BSPRY: variants seen among roughly 807,000 people sequenced by gnomAD.
BSPRY encodes B-box and SPRY domain containing.
A neutral mutation model predicts 38.0 loss-of-function variants in BSPRY; 33 were observed. That is an observed-to-expected ratio of 0.87 (90% CI 0.66 to 1.16). The LOEUF is 1.16. Ranked by LOEUF, BSPRY falls within the 50% of genes most tolerant of loss-of-function variation. The pLI, the probability that BSPRY is intolerant of heterozygous loss-of-function variation, is 0.00. For missense variants in BSPRY, 523 were observed against 533.2 expected, an observed-to-expected ratio of 0.98 and a Z score of 0.19; for synonymous variants, 224 against 228.5, an observed-to-expected ratio of 0.98 and a Z score of 0.18.
At chr9:113,361,452 G>A (rs1043536632) in intron 3 of BSPRY, among the ~76,000 whole-genome samples, 1 of 152,218 alleles carries the variant, frequency 6.6e-6, no homozygotes. Context: ...AGATGCAGCT[G>A]TCAGCTGCTC....
At chr9:113,368,125 C>T (rs1316347232) in intron 4 of BSPRY, 134 bp from the exon 5 acceptor site, 27 of 1,129,870 alleles carry the variant, frequency 2.4e-5, no homozygotes, top group African/African-American at 3.1e-5. Flanking sequence ...TGAGCCACTG[C>T]ACCTGGCCCT....
intron 4 of BSPRY, among the ~76,000 whole-genome samples, chr9:113,365,654 G>A (rs1197433700): frequency 6.6e-6 from 1 of 151,920 alleles, no homozygotes; most frequent in Non-Finnish European, 1.5e-5. Context: ...GAGCATTAAG[G>A]GTACTCAGTG....
At chr9:113,353,241 A>G (rs1264319997) in intron 1 of BSPRY, among the ~76,000 whole-genome samples, 2 of 152,126 alleles carry the variant, frequency 1.3e-5, no homozygotes, top group Non-Finnish European at 2.9e-5. Flanking sequence ...TGCAAAAAGT[A>G]GCCAGGTGTG....
At position 113,362,774 on chromosome 9, in the gene BSPRY, C is replaced by T. The variant is rs113623696; in HGVS notation, c.557+380C>T. 4.4e-3 allele frequency among the ~76,000 whole-genome samples: 673 copies of T among 152,326 alleles called. 4 individuals are homozygous for T. The highest frequency in any genetic ancestry group is 0.015 in the African/African-American group (608 of 41,578). On this transcript the variant is annotated intron_variant, in intron 4 of 5. Transcript: ENST00000374183. ...GGTTGGACCCATCTAACACCTGCCC[C>T]GGTACTGTTGCCTCTGCCTCACTTC...
chr9:113,361,230 TCCCATTGCAAGAC>T (rs1834148535), intron 3 of BSPRY, among the ~76,000 whole-genome samples: 1 of 152,142 alleles, frequency 6.6e-6, no homozygotes, highest in African/African-American at 2.4e-5. Context: ...CCAGTCTCTC[TCCCATTGCAAGAC>T]CCCATTGCAA....
At position 113,351,160 on chromosome 9, in the gene BSPRY, T is replaced by G. The variant is rs374923368; in HGVS notation, c.201+1380T>G. Among the ~76,000 whole-genome samples the G allele has an allele frequency of 1.1e-4, 16 of 152,142 alleles. No individual in the cohort carries two copies. In the East Asian group the frequency reaches 1.5e-3, roughly 15 times the overall value. Reference sequence around the variant, plus strand: ...GACTGGATTTGAGTGGTGGAAAGAGTGAAGCCTCGGGCAGGTGGCAGGCCT... The same window carrying G: ...GACTGGATTTGAGTGGTGGAAAGAGGGAAGCCTCGGGCAGGTGGCAGGCCT... On this transcript the variant is annotated intron_variant, in intron 1 of 5. Coordinates refer to ENST00000374183, the MANE Select transcript of BSPRY (RefSeq NM_017688.3).
chr9:113,349,592 G>A lies in BSPRY; in HGVS notation c.13G>A (p.Gly5Ser). 1 of 1,177,838 alleles carries A rather than the reference G, an allele frequency of 8.5e-7. No individual in the cohort carries two copies. Among genetic ancestry groups the A allele is most frequent in the African/African-American group, 1.6e-5 (1 of 62,038 alleles). 73.0% of individuals were successfully genotyped at this position (1,177,838 alleles called of 1,614,324 possible). The change falls in exon 1 of 6, where the codon GGC becomes AGC. Residue 5 changes from glycine (G) to serine (S), a missense_variant. Gly to Ser is a moderately conservative substitution (Grantham distance 56). Transcript: ENST00000374183. MSAE[G>S]AEPGPGSGSG... is the part of the protein sequence containing the mutation. ...CGGGCGCACGGCCATGTCCGCCGAGGGCGCGGAGCCGGGGCCGGGGTCCGG... is the reference window on the plus strand; with the variant it reads ...CGGGCGCACGGCCATGTCCGCCGAGAGCGCGGAGCCGGGGCCGGGGTCCGG...
At chr9:113,353,398 A>C (rs2118904562) in intron 1 of BSPRY, among the ~76,000 whole-genome samples, 1 of 151,708 alleles carries the variant, frequency 6.6e-6, no homozygotes, top group East Asian at 1.9e-4. Context: ...TAAATACATA[A>C]ATAAATTTAA....
chr9:113,369,371 T>G (rs1402206527), intron 5 of BSPRY, among the ~76,000 whole-genome samples: 2 of 152,260 alleles, frequency 1.3e-5, no homozygotes, highest in Admixed American at 1.3e-4. Flanking sequence ...ACTATTGTTA[T>G]GAAGGCTACA....
In BSPRY at chr9:113,369,806, T is replaced by C. The variant is rs1432107823; in HGVS notation, c.873T>C (p.Asn291=). 6.2e-7 allele frequency: 1 copy of C among 1,614,228 alleles called. No homozygotes were observed. ...ATGGGCTCCATGCCTGGATGGTGAA[T>C]GTCCAGAACAGTTGTGCCTATAAGG... ...FQNGLHAWMV[N]VQNSCAYKVG... is the part of the protein sequence containing the mutation. Residue 291 remains asparagine, a synonymous_variant, in exon 6 of 6, where the codon AAT becomes AAC. Coordinates refer to ENST00000374183, the MANE Select transcript of BSPRY (RefSeq NM_017688.3).
Position 113,349,563 on chromosome 9 carries a change from GGGGC to G in BSPRY, c.-11_-8del. On this transcript the variant is annotated 5_prime_UTR_variant, in exon 1 of 6. Coordinates refer to ENST00000374183, the MANE Select transcript of BSPRY (RefSeq NM_017688.3). ...GCCACCTGCGACAGGTGGAGCGCACGGGGCGGGCGCACGGCCATGTCCGCCGAGG... is the reference window on the plus strand; with the variant it reads ...GCCACCTGCGACAGGTGGAGCGCACGGGGCGCACGGCCATGTCCGCCGAGG... 2 of 1,138,568 alleles carry G rather than the reference GGGGC, an allele frequency of 1.8e-6. No homozygotes were observed. The highest frequency in any genetic ancestry group is 2.2e-6 in the Non-Finnish European group (2 of 929,164). The allele number at this position is 1,138,568 out of a possible 1,614,324, so 70.5% of individuals were successfully genotyped here. A position where few individuals can be genotyped will look rare whatever the true frequency, so the allele number is the denominator to read the frequency against.
chr9:113,366,969 A>G (rs1834263600), intron 4 of BSPRY, among the ~76,000 whole-genome samples: 1 of 152,214 alleles, frequency 6.6e-6, no homozygotes, highest in Non-Finnish European at 1.5e-5. Flanking sequence ...CGCCATCTTC[A>G]GGATTGGAGG....
At position 113,368,350 on chromosome 9, in the gene BSPRY, C is replaced by G. The variant is rs563645134; in HGVS notation, c.649C>G (p.Leu217Val). The change falls in exon 5 of 6, where the codon CTC (leucine) becomes GTC (valine). Residue 217 changes from leucine to valine, a missense_variant. Physicochemically the swap from Leu to Val is conservative, Grantham distance 32. Coordinates refer to ENST00000374183, the MANE Select transcript of BSPRY (RefSeq NM_017688.3). ...KCTRSPLLTQ[L>V]WATAVLGSLS... ...CACTCGGAGCCCACTACTGACCCAACTCTGGGCAACGGCGGTTCTTGGGTC... is the reference window on the plus strand; with the variant it reads ...CACTCGGAGCCCACTACTGACCCAAGTCTGGGCAACGGCGGTTCTTGGGTC... 42 of 1,614,166 alleles carry G rather than the reference C, an allele frequency of 2.6e-5. No individual in the cohort carries two copies. The South Asian group carries it at 4.4e-4, about 17-fold the overall frequency.
chr9:113,358,939 G>A (rs1406804450), intron 2 of BSPRY, among the ~76,000 whole-genome samples: 1 of 152,144 alleles, frequency 6.6e-6, no homozygotes, highest in Non-Finnish European at 1.5e-5. Flanking sequence ...GAGGCAGGAG[G>A]ATCGCTTGAG....
rs1365185848 is a variant in BSPRY at position 113,360,518 on chromosome 9, T to A, written c.312T>A (p.Ser104Arg). 1.3e-6 allele frequency: 2 copies of A among 1,597,092 alleles called. No individual in the cohort carries two copies. The highest frequency in any genetic ancestry group is 2.3e-5 in the South Asian group (2 of 87,594). ...GKNQRAVSMA[S>R]AARELVIQRL... ...TTATCCCTCATTAGAGCATGGCCAG[T>A]GCAGCGAGGGAACTGGTTATCCAGC... The change falls in exon 3 of 6, where the codon AGT becomes AGA. Residue 104 changes from serine (S) to arginine (R), a missense_variant. Transcript: ENST00000374183.
intron 4 of BSPRY, among the ~76,000 whole-genome samples, chr9:113,363,994 G>C (rs888576334): frequency 1.4e-5 from 2 of 147,766 alleles, no homozygotes; most frequent in African/African-American, 4.9e-5. Flanking sequence ...TTCACAACCA[G>C]CCTGGCCAAT....
intron 4 of BSPRY, 138 bp from the exon 5 acceptor site, chr9:113,368,121 A>G (rs1406092054): frequency 1.8e-6 from 2 of 1,083,754 alleles, no homozygotes; most frequent in Non-Finnish European, 2.7e-6. Flanking sequence ...GGGGTGAGCC[A>G]CTGCACCTGG....
At position 113,369,612 on chromosome 9, in the gene BSPRY, G is replaced by A. The variant is rs1297289783; in HGVS notation, c.683-4G>A. The A allele has an allele frequency of 1.3e-6, 2 of 1,596,872 alleles. No individual in the cohort carries two copies. Among genetic ancestry groups the A allele is most frequent in the African/African-American group, 1.3e-5 (1 of 74,548 alleles). On this transcript the variant is annotated splice_region_variant and splice_polypyrimidine_tract_variant and intron_variant, in intron 5 of 5. Transcript: ENST00000374183. ...TCGGCAACTCTGAGAATTCTTTCTG[G>A]CAGGCACAGAGGACATACGGATCGA...
chr9:113,349,617 GGTCC>G lies in BSPRY; in HGVS notation c.40_43del (p.Ser14GlyfsTer15). ...GGCGCGGAGCCGGGGCCGGGGTCCG[GGTCC>G]GGGCCCGGGCCGGGGCCACTCTGCC... is the stretch of plus-strand genomic sequence containing the variant. On this transcript the variant is annotated frameshift_variant, in exon 1 of 6. Coordinates refer to ENST00000374183, the MANE Select transcript of BSPRY (RefSeq NM_017688.3). LOFTEE classifies it high-confidence loss of function. The G allele has an allele frequency of 8.3e-7, 1 of 1,199,322 alleles. No homozygotes were observed. Among genetic ancestry groups the G allele is most frequent in the Non-Finnish European group, 1.0e-6 (1 of 966,854 alleles). The allele number at this position is 1,199,322 out of a possible 1,614,324, so 74.3% of individuals were successfully genotyped here. A position where few individuals can be genotyped will look rare whatever the true frequency, so the allele number is the denominator to read the frequency against.
Sources: gnomAD v4.1 joint callset for allele counts (sites outside exome capture counted in the v4.1 genomes callset) on GRCh38, gnomAD v4.1.1 for gene constraint, MANE v1.5 for transcripts, NCBI Gene and HGNC (gene_info 2026-07-23, HGNC 2026-07-21) for gene names.